Variants in DIP2C observed in about 807,000 individuals in gnomAD.
DIP2C encodes disco-interacting protein 2 homolog C.
DIP2C carries 33 observed loss-of-function variants against 192.4 expected under a neutral mutation model. That is an observed-to-expected ratio of 0.17 (90% CI 0.13 to 0.23). The LOEUF is 0.23. DIP2C is among the 10% of genes least tolerant of loss of function. DIP2C has a pLI of 1.00. For synonymous variants in DIP2C, 979 were observed against 864.1 expected, an observed-to-expected ratio of 1.13 and a Z score of -2.33; for missense variants, 1,537 against 2,110.1, an observed-to-expected ratio of 0.73 and a Z score of 5.32.
intron 1 of DIP2C, among the ~76,000 whole-genome samples, chr10:487,558 T>C (rs549456480): frequency 1.6e-5 from 2 of 123,730 alleles, no homozygotes; most frequent in Non-Finnish European, 1.6e-5. Context: ...CATCCGCCCA[T>C]CAATGAGTGT....
chr10:483,752 G>A (rs1467325785), intron 2 of DIP2C, among the ~76,000 whole-genome samples: 1 of 152,158 alleles, frequency 6.6e-6, no homozygotes, highest in African/African-American at 2.4e-5. Context: ...GGCGAGGCGG[G>A]GTGTCCTCTT....
Position 563,650 on chromosome 10 carries a change from G to T in DIP2C, c.86-77120C>A, listed in dbSNP as rs1196637840. Among the ~76,000 whole-genome samples the T allele has an allele frequency of 1.8e-4, 27 of 152,208 alleles. 1 individual carries two copies. Among genetic ancestry groups the T allele is most frequent in the Admixed American group, 1.8e-3 (27 of 15,286 alleles). Reference sequence around the variant, plus strand: ...AAACCAAAGTTTCTGAGGAGCATTTGTTAGCAAAGCAAGGAAAGCCATTAA... The same window carrying T: ...AAACCAAAGTTTCTGAGGAGCATTTTTTAGCAAAGCAAGGAAAGCCATTAA... On this transcript the variant is annotated intron_variant, in intron 1 of 36. Transcript: ENST00000280886.
chr10:359,913 G>A (rs966426215), intron 22 of DIP2C, among the ~76,000 whole-genome samples: 9 of 152,186 alleles, frequency 5.9e-5, no homozygotes, highest in African/African-American at 1.7e-4. Context: ...GAGCCACTGC[G>A]CCTGGCTGAT....
At chr10:426,934 C>G (rs1447547963) in intron 4 of DIP2C, among the ~76,000 whole-genome samples, 1 of 151,460 alleles carries the variant, frequency 6.6e-6, no homozygotes, top group South Asian at 2.1e-4. Context: ...AATGAAAGAA[C>G]AGTAAGACTA....
intron 1 of DIP2C, among the ~76,000 whole-genome samples, chr10:488,604 G>A (rs146268897): frequency 2.4e-4 from 36 of 152,202 alleles, no homozygotes; most frequent in South Asian, 1.5e-3. Context: ...TTCACGCCCC[G>A]TACATCCTCC....
At chr10:583,316 G>A (rs767855363) in intron 1 of DIP2C, among the ~76,000 whole-genome samples, 3 of 152,246 alleles carry the variant, frequency 2.0e-5, no homozygotes, top group Non-Finnish European at 4.4e-5. Context: ...GAGAATTATA[G>A]GATAGCTAGT....
chr10:681,589 A>G (rs1349914284), intron 1 of DIP2C, among the ~76,000 whole-genome samples: 1 of 151,816 alleles, frequency 6.6e-6, no homozygotes, highest in Non-Finnish European at 1.5e-5. Context: ...CAGGGAACAC[A>G]GACCCTTAGT....
At chr10:634,735 G>A (rs1209592709) in intron 1 of DIP2C, among the ~76,000 whole-genome samples, 5 of 150,170 alleles carry the variant, frequency 3.3e-5, no homozygotes, top group Non-Finnish European at 7.4e-5. Flanking sequence ...TGGGCAAAAA[G>A]AACGAGACTC....
chr10:437,781 G>C (rs973741937), intron 4 of DIP2C: 1 of 152,204 alleles, frequency 6.6e-6, no homozygotes, highest in Admixed American at 6.5e-5. Context: ...CAATGCTAAT[G>C]AGAGTTTCTC....
chr10:408,928 T>C lies in DIP2C; in HGVS notation c.1147A>G (p.Arg383Gly). 1.2e-6 allele frequency: 2 copies of C among 1,614,106 alleles called. No homozygotes were observed. Among genetic ancestry groups the C allele is most frequent in the South Asian group, 1.1e-5 (1 of 91,038 alleles). The change falls in exon 9 of 37, where the codon AGG (arginine) becomes GGG (glycine). Residue 383 changes from arginine (R) to glycine (G), a missense_variant and splice_region_variant. By Grantham distance (125) the Arg-to-Gly change is moderately radical. Around this residue, in one of 4 missense-constraint regions of DIP2C, gnomAD observed 473 missense variants for 539.6 expected, o/e 0.88. Coordinates refer to ENST00000280886, the MANE Select transcript of DIP2C (RefSeq NM_014974.3). The stretch of plus-strand genomic sequence containing the variant: ...CCAGCAGTTTAAGTTGCACTTACCC[T>C]ATCTCCAGGCCGGACCATGGGTTCC... ...KQEPMVRPGD[R>G]VALVFPNNDP...
intron 1 of DIP2C, among the ~76,000 whole-genome samples, chr10:683,592 T>C (rs936456900): frequency 2.0e-5 from 3 of 152,182 alleles, no homozygotes; most frequent in African/African-American, 7.2e-5. Context: ...AATGCCCGTC[T>C]TTCCAGGGTA....
At chr10:361,741 C>T (rs1959540272) in intron 22 of DIP2C, among the ~76,000 whole-genome samples, 2 of 152,180 alleles carry the variant, frequency 1.3e-5, no homozygotes, top group South Asian at 4.1e-4. Context: ...CCGTGTCCTT[C>T]ACAAGGCTGT....
chr10:549,890 G>GC (rs1326528340), intron 1 of DIP2C, among the ~76,000 whole-genome samples: 2 of 152,108 alleles, frequency 1.3e-5, no homozygotes, highest in African/African-American at 4.8e-5. Context: ...CAGCCCAGGG[G>GC]CCCACACTGC....
At position 409,013 on chromosome 10, in the gene DIP2C, C is replaced by T; in HGVS notation, c.1062G>A (p.Lys354=). 1 of 1,614,110 alleles carries T rather than the reference C, an allele frequency of 6.2e-7. No homozygotes were observed. Among genetic ancestry groups the T allele is most frequent in the African/African-American group, 1.3e-5 (1 of 75,038 alleles). ...GKPLYILTYG[K]LWTRSMKVAY... The stretch of plus-strand genomic sequence containing the variant: ...CGACCTTCATACTTCTTGTCCACAG[C>T]TTGCCTATGAATACAAATCACAGAC... The change falls in exon 9 of 37, where the codon AAG becomes AAA. Residue 354 remains lysine, a synonymous_variant. Transcript: ENST00000280886.
chr10:468,449 A>G (rs1009110995), intron 3 of DIP2C, among the ~76,000 whole-genome samples: 4 of 152,114 alleles, frequency 2.6e-5, no homozygotes, highest in Non-Finnish European at 5.9e-5. Context: ...CCATATGCCA[A>G]TCAGTCATTA....
At chr10:497,236 C>A (rs1202920743) in intron 1 of DIP2C, among the ~76,000 whole-genome samples, 1 of 152,156 alleles carries the variant, frequency 6.6e-6, no homozygotes, top group African/African-American at 2.4e-5. Flanking sequence ...AAAAGTCTAC[C>A]CATGTTCAGA....
intron 1 of DIP2C, among the ~76,000 whole-genome samples, chr10:581,779 T>G (rs1258730978): frequency 6.6e-6 from 1 of 152,082 alleles, no homozygotes; most frequent in Non-Finnish European, 1.5e-5. Flanking sequence ...AACTTGTCCT[T>G]GAGAAGCCTT....
At chr10:617,545 G>C (rs936707278) in intron 1 of DIP2C, among the ~76,000 whole-genome samples, 1 of 152,052 alleles carries the variant, frequency 6.6e-6, no homozygotes, top group Non-Finnish European at 1.5e-5. Context: ...AGCTGTGGAG[G>C]GTGTGTCCTC....
At chr10:357,972 A>G (rs1054729548) in intron 22 of DIP2C, 35 bp from the exon 23 acceptor site, 1 of 1,555,216 alleles carries the variant, frequency 6.4e-7, no homozygotes. Flanking sequence ...ATGAGGAAAC[A>G]AAAGAGAAAT....
Sources: gnomAD v4.1 joint callset for allele counts (sites outside exome capture counted in the v4.1 genomes callset) on GRCh38, gnomAD v4.1.1 for gene constraint, gnomAD v4.1.1 regional missense constraint, MANE v1.5 for transcripts, NCBI Gene and HGNC (gene_info 2026-07-23, HGNC 2026-07-21) for gene names.